The following SCN11A variants were observed in gnomAD, a reference collection of about 807,000 sequenced individuals.
SCN11A encodes sodium channel protein type 11 subunit alpha.
SCN11A carries 122 observed loss-of-function variants against 162.2 expected under a neutral mutation model. The ratio of observed to expected loss-of-function variants is 0.75; its 90% CI spans 0.65 to 0.87. The LOEUF (loss-of-function observed/expected upper bound fraction) is 0.87. Among genes scored for constraint, SCN11A ranks in the 40% least tolerant of loss-of-function variants. SCN11A has a pLI of 0.00. For missense variants in SCN11A, 2,015 were observed against 2,181.6 expected, an observed-to-expected ratio of 0.92 and a Z score of 1.52; for synonymous variants, 758 against 751.5, an observed-to-expected ratio of 1.01 and a Z score of -0.14.
chr3:39,013,304 G>A (rs911650319), intron 2 of SCN11A, among the ~76,000 whole-genome samples: 2 of 152,330 alleles, frequency 1.3e-5, no homozygotes, highest in East Asian at 1.9e-4. Flanking sequence ...CATTTTACAT[G>A]CTTAGTTCAC....
rs1385501528 is a variant in SCN11A at position 38,925,287 on chromosome 3, CCA to C, written c.712+126_712+127del. 7.6e-6 allele frequency: 5 copies of C among 656,996 alleles called. No individual in the cohort carries two copies. The Admixed American group carries it at 1.3e-4, about 17-fold the overall frequency. 40.7% of individuals were successfully genotyped at this position (656,996 alleles called of 1,614,324 possible). On this transcript the variant is annotated intron_variant, in intron 9 of 29. Transcript: ENST00000302328. ...AGGTGCTCAATAATTATCAGTTGGA[CCA>C]TCAAATAAATTTGTAAAGCAGGCTT...
At chr3:38,994,587 C>G (rs1435797430) in intron 2 of SCN11A, among the ~76,000 whole-genome samples, 1 of 152,162 alleles carries the variant, frequency 6.6e-6, no homozygotes, top group Non-Finnish European at 1.5e-5. Context: ...TGTAGGTTTA[C>G]AAGCCCCTAC....
intron 28 of SCN11A, among the ~76,000 whole-genome samples, chr3:38,853,936 G>T (rs938227715): frequency 6.6e-6 from 1 of 152,068 alleles, no homozygotes; most frequent in Admixed American, 6.6e-5. Context: ...GAGCTGCCCT[G>T]GATGCTACTT....
chr3:38,854,426 T>C (rs192593615), intron 28 of SCN11A, among the ~76,000 whole-genome samples: 23 of 152,298 alleles, frequency 1.5e-4, no homozygotes, highest in Admixed American at 9.8e-4. Context: ...GTATTACAAG[T>C]ACATTTTAAA....
intron 2 of SCN11A, among the ~76,000 whole-genome samples, chr3:39,019,512 G>C (rs2031390282): frequency 6.6e-6 from 1 of 152,182 alleles, no homozygotes; most frequent in Non-Finnish European, 1.5e-5. Context: ...GCAATGCCAT[G>C]GTCTCCATGA....
At chr3:38,902,134 A>C (rs1020801750) in intron 16 of SCN11A, among the ~76,000 whole-genome samples, 1 of 152,070 alleles carries the variant, frequency 6.6e-6, no homozygotes, top group African/African-American at 2.4e-5. Context: ...TTATTCAGTA[A>C]CTCCATTCCA....
intron 23 of SCN11A, among the ~76,000 whole-genome samples, chr3:38,878,650 G>A (rs1432338997): frequency 1.3e-5 from 2 of 151,982 alleles, no homozygotes; most frequent in Non-Finnish European, 2.9e-5. Flanking sequence ...TAGTTTCTAT[G>A]GCATTTATAC....
At chr3:38,973,457 C>T (rs1341804376) in intron 2 of SCN11A, among the ~76,000 whole-genome samples, 1 of 151,600 alleles carries the variant, frequency 6.6e-6, no homozygotes, top group African/African-American at 2.4e-5. Context: ...AATCAAAATG[C>T]TAACAAAGAA....
At chr3:38,993,083 G>A (rs190324275) in intron 2 of SCN11A, among the ~76,000 whole-genome samples, 156 of 152,334 alleles carry the variant, frequency 1.0e-3, no homozygotes, top group Middle Eastern at 3.4e-3. Context: ...AAAAGAATAT[G>A]TGGTTCTCTC....
intron 1 of SCN11A, among the ~76,000 whole-genome samples, chr3:39,034,135 C>G (rs978683675): frequency 2.0e-5 from 3 of 151,690 alleles, no homozygotes; most frequent in Admixed American, 2.0e-4. Context: ...GCATTCCAGC[C>G]TGGACAACAG....
At chr3:38,978,906 G>A (rs772831476) in intron 2 of SCN11A, among the ~76,000 whole-genome samples, 7 of 151,984 alleles carry the variant, frequency 4.6e-5, no homozygotes, top group Non-Finnish European at 1.0e-4. Context: ...CATGCCACTC[G>A]ACCTAAAACC....
At position 38,846,497 on chromosome 3, in the gene SCN11A, T is replaced by C. The variant is rs2064665326; in HGVS notation, c.*197A>G. The C allele has an allele frequency of 1.7e-6, 1 of 571,686 alleles. No individual in the cohort carries two copies. The highest frequency in any genetic ancestry group is 3.1e-6 in the Non-Finnish European group (1 of 321,706). 35.4% of individuals were successfully genotyped at this position (571,686 alleles called of 1,614,324 possible). On this transcript the variant is annotated 3_prime_UTR_variant, in exon 30 of 30. Transcript: ENST00000302328. The stretch of plus-strand genomic sequence containing the variant: ...CTTATTATAATAGTACCACTGGTTG[T>C]CAAGTAGCCTTATCTTATATCTCTG...
At chr3:39,035,174 T>A (rs34998322) in intron 1 of SCN11A, among the ~76,000 whole-genome samples, 21,493 of 152,068 alleles carry the variant, frequency 0.14, 1,760 homozygotes, top group African/African-American at 0.22. Flanking sequence ...ACTGAAGGAA[T>A]CACATTACCT....
At chr3:38,981,905 G>A (rs148315541) in intron 2 of SCN11A, among the ~76,000 whole-genome samples, 5,338 of 151,836 alleles carry the variant, frequency 0.035, 298 homozygotes, top group African/African-American at 0.12. Context: ...TCAGGAGACT[G>A]AGACATGAGA....
intron 2 of SCN11A, among the ~76,000 whole-genome samples, chr3:39,019,293 C>T (rs2031381409): frequency 6.6e-6 from 1 of 152,120 alleles, no homozygotes; most frequent in Admixed American, 6.5e-5. Flanking sequence ...GTGACCCCAC[C>T]CAGAAGTGAC....
chr3:39,028,649 C>T (rs1185069619), intron 2 of SCN11A, among the ~76,000 whole-genome samples: 1 of 152,208 alleles, frequency 6.6e-6, no homozygotes, highest in Non-Finnish European at 1.5e-5. Flanking sequence ...GGCATGATGA[C>T]AGCTTCTGGC....
chr3:38,894,910 T>A lies in SCN11A; in HGVS notation c.2458A>T (p.Asn820Tyr), dbSNP rs148401428. The change falls in exon 19 of 30, where the codon AAT becomes TAT. Residue 820 changes from asparagine (N) to tyrosine (Y), a missense_variant. Coordinates refer to ENST00000302328, the MANE Select transcript of SCN11A (RefSeq NM_001349253.2). ...LLNSFSNEERNGNLEGEARKT... is the reference protein window; with the variant it reads ...LLNSFSNEERYGNLEGEARKT... ...CTGGCCTCTCCTTCTAAGTTTCCATTTCTTTCCTCATTGCTAAAGGAATTG... is the reference window on the plus strand; with the variant it reads ...CTGGCCTCTCCTTCTAAGTTTCCATATCTTTCCTCATTGCTAAAGGAATTG... The A allele has an allele frequency of 7.4e-5, 119 of 1,613,988 alleles. No individual in the cohort carries two copies. Among genetic ancestry groups the A allele is most frequent in the Middle Eastern group, 6.6e-4 (4 of 6,084 alleles).
At position 38,886,194 on chromosome 3, in the gene SCN11A, T is replaced by C. The variant is rs1318698898; in HGVS notation, c.2880A>G (p.Arg960=). The C allele has an allele frequency of 4.3e-6, 7 of 1,612,890 alleles. No individual in the cohort carries two copies. The Admixed American group carries it at 1.2e-4, about 27-fold the overall frequency. ...ACATGTCAATTTCCACACTTTGAACTCTCTGGCTCGTGGGCTTCTTGTTCT... is the reference window on the plus strand; with the variant it reads ...ACATGTCAATTTCCACACTTTGAACCCTCTGGCTCGTGGGCTTCTTGTTCT... ...HQENKKPTSQ[R]VQSVEIDMFS... The change falls in exon 20 of 30, where the codon AGA becomes AGG. Residue 960 remains arginine (R), a synonymous_variant. Transcript: ENST00000302328.
At chr3:38,971,010 C>T (rs2066813104) in intron 2 of SCN11A, among the ~76,000 whole-genome samples, 1 of 152,154 alleles carries the variant, frequency 6.6e-6, no homozygotes, top group Admixed American at 6.5e-5. Flanking sequence ...TCCAGGGTCT[C>T]ACAGCCTCAG....
Sources: gnomAD v4.1 joint callset for allele counts (sites outside exome capture counted in the v4.1 genomes callset) on GRCh38, gnomAD v4.1.1 for gene constraint, MANE v1.5 for transcripts, NCBI Gene and HGNC (gene_info 2026-07-23, HGNC 2026-07-21) for gene names.